The following GRIN2B variants were observed in gnomAD, a reference collection of about 807,000 sequenced individuals.
GRIN2B encodes glutamate receptor ionotropic, NMDA 2B.
In GRIN2B, 5 loss-of-function variants were observed where a neutral mutation model predicts 114.5. That is an observed-to-expected ratio of 0.04 (90% CI 0.02 to 0.09). The LOEUF is 0.09. GRIN2B is among the 10% of genes least tolerant of loss of function. The probability of loss-of-function intolerance (pLI) is 1.00; values close to 1 mark genes in which losing one functional copy is unlikely to be tolerated. For missense variants in GRIN2B, 1,108 were observed against 1,943.5 expected, an observed-to-expected ratio of 0.57 and a Z score of 8.08; for synonymous variants, 787 against 745.1, an observed-to-expected ratio of 1.06 and a Z score of -0.92.
chr12:13,767,844 G>C (rs919271772), intron 3 of GRIN2B, among the ~76,000 whole-genome samples: 4 of 152,160 alleles, frequency 2.6e-5, no homozygotes, highest in African/African-American at 9.7e-5. Flanking sequence ...CTCTCATCAA[G>C]AAACTCCATA....
chr12:13,629,113 T>C (rs1404989404), intron 5 of GRIN2B, among the ~76,000 whole-genome samples: 2 of 152,118 alleles, frequency 1.3e-5, no homozygotes, highest in East Asian at 3.8e-4. Flanking sequence ...CATAGAACAG[T>C]TTCCTCACAC....
intron 2 of GRIN2B, among the ~76,000 whole-genome samples, chr12:13,958,236 T>G (rs1013883296): frequency 6.6e-6 from 1 of 152,124 alleles, no homozygotes; most frequent in African/African-American, 2.4e-5. Context: ...TCTGTAAAAA[T>G]AATGGCACTG....
intron 2 of GRIN2B, among the ~76,000 whole-genome samples, chr12:13,876,450 C>T (rs557466942): frequency 6.6e-6 from 1 of 152,236 alleles, no homozygotes; most frequent in South Asian, 2.1e-4. Context: ...TCTGCCCTCC[C>T]ACCTCCTTCC....
chr12:13,958,896 G>A (rs1453393676), intron 2 of GRIN2B, among the ~76,000 whole-genome samples: 3 of 151,702 alleles, frequency 2.0e-5, no homozygotes, highest in Non-Finnish European at 2.9e-5. Flanking sequence ...TTATAGAGAC[G>A]TCATTTATTG....
At chr12:13,764,080 G>T (rs1342936657) in intron 3 of GRIN2B, among the ~76,000 whole-genome samples, 1 of 150,604 alleles carries the variant, frequency 6.6e-6, no homozygotes, top group East Asian at 1.9e-4. Context: ...TGGATGCCCA[G>T]CTCCTAACCT....
In GRIN2B at chr12:13,560,422, AC is replaced by A; in HGVS notation, c.*2360del. The A allele has an allele frequency of 6.6e-6, 1 of 152,296 alleles. No individual in the cohort carries two copies. The allele number at this position is 152,296 out of a possible 1,614,324, so 9.4% of individuals were successfully genotyped here. A position where few individuals can be genotyped will look rare whatever the true frequency, so the allele number is the denominator to read the frequency against. ...CAAAATATTTACATATGAAATAAAC[AC>A]CATCTTGATTTCTGTTGCCAGCGGA... is the stretch of plus-strand genomic sequence containing the variant. On this transcript the variant is annotated 3_prime_UTR_variant, in exon 14 of 14. Coordinates refer to ENST00000609686, the MANE Select transcript of GRIN2B (RefSeq NM_000834.5).
chr12:13,567,395 G>C, intron 12 of GRIN2B, 132 bp from the exon 13 acceptor site: 1 of 671,090 alleles, frequency 1.5e-6, no homozygotes, highest in Non-Finnish European at 2.6e-6. Flanking sequence ...GAGACAAAAA[G>C]AAAGGAAATG....
At chr12:13,673,741 C>T (rs1206999177) in intron 5 of GRIN2B, among the ~76,000 whole-genome samples, 1 of 151,898 alleles carries the variant, frequency 6.6e-6, no homozygotes, top group Non-Finnish European at 1.5e-5. Flanking sequence ...TCAATATGAC[C>T]TGATGGTGAG....
intron 11 of GRIN2B, among the ~76,000 whole-genome samples, chr12:13,571,602 T>A (rs1261912099): frequency 6.6e-6 from 1 of 152,206 alleles, no homozygotes; most frequent in African/African-American, 2.4e-5. Flanking sequence ...AAAAAATACA[T>A]AGAAGTAATA....
At chr12:13,619,868 C>T (rs1280516879) in intron 5 of GRIN2B, among the ~76,000 whole-genome samples, 2 of 152,158 alleles carry the variant, frequency 1.3e-5, no homozygotes, top group Non-Finnish European at 2.9e-5. Flanking sequence ...GCTTGGACTC[C>T]TACCCACCAC....
At chr12:13,720,074 C>T (rs774915744) in intron 4 of GRIN2B, among the ~76,000 whole-genome samples, 19 of 152,068 alleles carry the variant, frequency 1.2e-4, no homozygotes, top group South Asian at 4.1e-4. Flanking sequence ...AGAAACAAAA[C>T]GGCAAACCAG....
At chr12:13,969,975 C>G (rs1299957690) in intron 2 of GRIN2B, among the ~76,000 whole-genome samples, 1 of 152,214 alleles carries the variant, frequency 6.6e-6, no homozygotes, top group East Asian at 1.9e-4. Context: ...GCCTCAGCCT[C>G]CTGAGTAGCT....
intron 10 of GRIN2B, among the ~76,000 whole-genome samples, chr12:13,597,338 C>T (rs1227325418): frequency 6.6e-6 from 1 of 152,158 alleles, no homozygotes; most frequent in East Asian, 1.9e-4. Flanking sequence ...AACCTAAAGC[C>T]AATTAACGCA....
chr12:13,708,373 ACT>A (rs1463214231), intron 4 of GRIN2B, among the ~76,000 whole-genome samples: 9 of 152,016 alleles, frequency 5.9e-5, no homozygotes, highest in African/African-American at 2.2e-4. Flanking sequence ...CAGTGAGGCC[ACT>A]CTAACGTCAA....
chr12:13,979,670 C>T (rs1362097762), intron 2 of GRIN2B, among the ~76,000 whole-genome samples: 1 of 152,078 alleles, frequency 6.6e-6, no homozygotes. Context: ...TCCCCTGATG[C>T]CATCCAACAT....
chr12:13,964,050 C>T (rs533978054), intron 2 of GRIN2B, among the ~76,000 whole-genome samples: 22 of 152,308 alleles, frequency 1.4e-4, no homozygotes, highest in Non-Finnish European at 2.5e-4. Flanking sequence ...AATTTGTTCT[C>T]AGGGCCTTAG....
intron 5 of GRIN2B, among the ~76,000 whole-genome samples, chr12:13,617,156 G>A (rs1283027073): frequency 2.0e-5 from 3 of 152,368 alleles, no homozygotes; most frequent in African/African-American, 7.2e-5. Context: ...GAGCCAAAAT[G>A]ATGTGTTTTG....
At chr12:13,716,600 G>A (rs1231641986) in intron 4 of GRIN2B, among the ~76,000 whole-genome samples, 3 of 151,852 alleles carry the variant, frequency 2.0e-5, no homozygotes, top group African/African-American at 4.8e-5. Flanking sequence ...ATGGAAGACA[G>A]GGATATGGAA....
intron 10 of GRIN2B, among the ~76,000 whole-genome samples, chr12:13,600,916 G>T (rs987329848): frequency 5.3e-5 from 8 of 152,178 alleles, no homozygotes; most frequent in Admixed American, 3.9e-4. Flanking sequence ...AAATTAACCA[G>T]CAAGGAGAAG....
Sources: allele counts gnomAD v4.1 joint callset (sites outside exome capture counted in the v4.1 genomes callset), GRCh38; gene constraint gnomAD v4.1.1; transcripts MANE v1.5; gene names NCBI Gene and HGNC (gene_info 2026-07-23, HGNC 2026-07-21).